VPS26B: variants seen among roughly 807,000 people sequenced by gnomAD.
VPS26B encodes vacuolar protein sorting-associated protein 26B.
A neutral mutation model predicts 33.3 loss-of-function variants in VPS26B; 10 were observed. The observed-to-expected ratio is 0.30, with a 90% CI of 0.19 to 0.51. The LOEUF is 0.51. Ranked by LOEUF, VPS26B falls within the 20% of genes least tolerant of loss-of-function variation. The pLI, the probability that VPS26B is intolerant of heterozygous loss-of-function variation, is 0.98. For missense variants in VPS26B, 317 were observed against 452.7 expected (o/e 0.70, Z 2.72); for synonymous variants, 190 against 176.9 (o/e 1.07, Z -0.59).
chr11:134,229,065 C>T (rs972485263), intron 1 of VPS26B, among the ~76,000 whole-genome samples: 2 of 152,086 alleles, frequency 1.3e-5, no homozygotes, highest in Non-Finnish European at 2.9e-5. Context: ...GGTCTCACTC[C>T]GTCACCCAGG....
At position 134,243,236 on chromosome 11, in the gene VPS26B, G is replaced by C. The variant is rs1216989772; in HGVS notation, c.663G>C (p.Val221=). ...AAACGACGGGTACAGGCCCCAACGTGTACCATGAGAATGACACGATAGCCA... is the reference window on the plus strand; with the variant it reads ...AAACGACGGGTACAGGCCCCAACGTCTACCATGAGAATGACACGATAGCCA... ...KRETTGTGPN[V]YHENDTIAKY... is the part of the protein sequence containing the mutation. Residue 221 remains valine, a synonymous_variant, in exon 4 of 6, where the codon GTG becomes GTC. Transcript: ENST00000281187. The C allele has an allele frequency of 1.4e-5, 22 of 1,614,070 alleles. No individual in the cohort carries two copies. The highest frequency in any genetic ancestry group is 1.7e-5 in the Non-Finnish European group (20 of 1,180,042).
chr11:134,240,774 CGTGT>C lies in VPS26B; in HGVS notation c.545+634_545+637del, dbSNP rs145007065. Among the ~76,000 whole-genome samples the C allele has an allele frequency of 2.4e-4, 33 of 138,010 alleles. No individual in the cohort carries two copies. In the South Asian group the frequency reaches 2.7e-3, roughly 11 times the overall value. 90.5% of individuals were successfully genotyped at this position (138,010 alleles called of 152,430 possible). A position where few individuals can be genotyped will look rare whatever the true frequency, so the allele number is the denominator to read the frequency against. On this transcript the variant is annotated intron_variant, in intron 3 of 5. Transcript: ENST00000281187. This position sits in a 1 kb window ranked among gnomAD's most constrained non-coding sequence, Gnocchi z 4.4. ...CCGCCACACCCAGCTAATTTGTGTCCGTGTGTGTGTGTGTGTGTCCGTGTGTGTG... is the reference window on the plus strand; with the variant it reads ...CCGCCACACCCAGCTAATTTGTGTCCGTGTGTGTGTGTGTCCGTGTGTGTG...
chr11:134,237,363 A>T lies in VPS26B; in HGVS notation c.380+2310A>T, dbSNP rs374549002. On this transcript the variant is annotated intron_variant, in intron 2 of 5. Transcript: ENST00000281187. The stretch of plus-strand genomic sequence containing the variant: ...GCAGAGATTACCAGTGAGTGCAGGC[A>T]TGCAGCCGTGGAGATGGAGACAGAG... Among the ~76,000 whole-genome samples the T allele has an allele frequency of 1.5e-4, 23 of 152,334 alleles. No homozygotes were observed. The East Asian group carries it at 3.3e-3, about 22-fold the overall frequency.
chr11:134,230,292 G>C (rs967999159), intron 1 of VPS26B, among the ~76,000 whole-genome samples: 1 of 152,248 alleles, frequency 6.6e-6, no homozygotes, highest in Non-Finnish European at 1.5e-5. Context: ...AATATTTGTT[G>C]AATGGATATA....
intron 1 of VPS26B, among the ~76,000 whole-genome samples, chr11:134,233,586 G>T (rs150867248): frequency 2.8e-4 from 42 of 152,338 alleles, no homozygotes; most frequent in African/African-American, 8.9e-4. Context: ...TTAGCTGGGC[G>T]TGGTGGCAGA....
intron 1 of VPS26B, among the ~76,000 whole-genome samples, chr11:134,232,227 G>A (rs1272366752): frequency 1.4e-5 from 1 of 71,336 alleles, no homozygotes; most frequent in Non-Finnish European, 4.1e-5. Context: ...TTGCTTCTTT[G>A]GGACGGAATA....
At chr11:134,225,391 C>T (rs369738921) in intron 1 of VPS26B, 46 bp downstream of exon 1, 29 of 1,596,896 alleles carry the variant, frequency 1.8e-5, no homozygotes, top group Non-Finnish European at 2.2e-5. Context: ...GACAGCCGGC[C>T]GGGGAGCAGG....
Position 134,245,235 on chromosome 11 carries a change from A to G in VPS26B, c.864+155A>G, listed in dbSNP as rs1242780381. On this transcript the variant is annotated intron_variant, in intron 5 of 5. Coordinates refer to ENST00000281187, the MANE Select transcript of VPS26B (RefSeq NM_052875.5). The surrounding 1 kb of genome is among the most constrained non-coding windows in gnomAD (Gnocchi z 4.7). ...AATGAGGATTCTCACCTGGCCTTAG[A>G]GTCTGCTTCCTCGGGCCTTCTCCTG... Among the ~76,000 whole-genome samples the G allele has an allele frequency of 6.6e-6, 1 of 152,180 alleles. No homozygotes were observed. The highest frequency in any genetic ancestry group is 2.4e-5 in the African/African-American group (1 of 41,432).
At chr11:134,228,685 T>C (rs1022310227) in intron 1 of VPS26B, among the ~76,000 whole-genome samples, 7 of 152,234 alleles carry the variant, frequency 4.6e-5, no homozygotes, top group African/African-American at 1.7e-4. Context: ...TCTTCCTGGT[T>C]CCCCGAAAGA....
At chr11:134,233,199 A>G (rs1242060147) in intron 1 of VPS26B, among the ~76,000 whole-genome samples, 5 of 152,216 alleles carry the variant, frequency 3.3e-5, no homozygotes, top group Non-Finnish European at 4.4e-5. Flanking sequence ...CTGTGAATTC[A>G]TACAGAAGTG....
In VPS26B at chr11:134,245,445, A is replaced by G; in HGVS notation, c.866A>G (p.Glu289Gly). ...ATTGCCCCCCTTTCAATTCTGCAGG[A>G]AGTGGTGTTGTGGCGGAAGGGTGAC... is the stretch of plus-strand genomic sequence containing the variant. ...EEERRYFKQQ[E>G]VVLWRKGDIV... The change falls in exon 6 of 6, where the codon GAA becomes GGA. Residue 289 changes from glutamate (E) to glycine (G), a missense_variant and splice_region_variant. By Grantham distance (98) the Glu-to-Gly change is moderately conservative (BLOSUM62 -2). Coordinates refer to ENST00000281187, the MANE Select transcript of VPS26B (RefSeq NM_052875.5). The surrounding 1 kb of genome is among the most constrained non-coding windows in gnomAD (Gnocchi z 4.7). 1 of 1,613,936 alleles carries G rather than the reference A, an allele frequency of 6.2e-7. No individual in the cohort carries two copies. Among genetic ancestry groups the G allele is most frequent in the Non-Finnish European group, 8.5e-7 (1 of 1,179,858 alleles).
At chr11:134,237,023 A>G (rs1219704376) in intron 2 of VPS26B, among the ~76,000 whole-genome samples, 1 of 152,266 alleles carries the variant, frequency 6.6e-6, no homozygotes, top group Non-Finnish European at 1.5e-5. Context: ...TGAAGACTTT[A>G]GGATTCATGT....
At chr11:134,230,170 C>CT (rs1163283140) in intron 1 of VPS26B, among the ~76,000 whole-genome samples, 1 of 152,156 alleles carries the variant, frequency 6.6e-6, no homozygotes, top group African/African-American at 2.4e-5. Flanking sequence ...AAGCTTGTGA[C>CT]TTTTTTAAAA....
intron 1 of VPS26B, among the ~76,000 whole-genome samples, chr11:134,230,337 T>C (rs1379639516): frequency 6.6e-6 from 1 of 152,224 alleles, no homozygotes; most frequent in African/African-American, 2.4e-5. Context: ...AAACTATTCT[T>C]TGTTGTTGTT....
intron 2 of VPS26B, 191 bp from the exon 3 acceptor site, chr11:134,239,800 A>ATTG (rs1938689345): frequency 3.1e-5 from 19 of 621,394 alleles, no homozygotes; most frequent in Non-Finnish European, 4.2e-5. Flanking sequence ...TGTGGTTGAA[A>ATTG]AGGTCTCTGT....
At chr11:134,232,210 C>T (rs61909698) in intron 1 of VPS26B, among the ~76,000 whole-genome samples, 2 of 35,232 alleles carry the variant, frequency 5.7e-5, no homozygotes, top group African/African-American at 8.6e-5. Flanking sequence ...TGAAAGATGA[C>T]GCGTGGTTGC....
intron 1 of VPS26B, among the ~76,000 whole-genome samples, chr11:134,227,253 G>T (rs189125071): frequency 6.6e-6 from 1 of 152,214 alleles, no homozygotes; most frequent in East Asian, 1.9e-4. Context: ...ATTATGCTAC[G>T]CATAGTAAAT....
chr11:134,236,405 C>T (rs1429061902), intron 2 of VPS26B: 1 of 152,010 alleles, frequency 6.6e-6, no homozygotes, highest in Non-Finnish European at 1.5e-5. Flanking sequence ...AGCAGTGCCT[C>T]AAAAAATTAA....
chr11:134,240,996 G>C lies in VPS26B; in HGVS notation c.545+841G>C, dbSNP rs1171456970. Among the ~76,000 whole-genome samples the C allele has an allele frequency of 6.6e-6, 1 of 152,118 alleles. No homozygotes were observed. The highest frequency in any genetic ancestry group is 2.4e-5 in the African/African-American group (1 of 41,420). On this transcript the variant is annotated intron_variant, in intron 3 of 5. Coordinates refer to ENST00000281187, the MANE Select transcript of VPS26B (RefSeq NM_052875.5). This position sits in a 1 kb window ranked among gnomAD's most constrained non-coding sequence, Gnocchi z 4.4. Reference sequence around the variant, plus strand: ...TGACTTTATTTTAACTGGCAAGTTGGGAAGATGTATATCTTTTAAACTGTG... The same window carrying C: ...TGACTTTATTTTAACTGGCAAGTTGCGAAGATGTATATCTTTTAAACTGTG...
Sources: gnomAD v4.1 joint callset for allele counts (sites outside exome capture counted in the v4.1 genomes callset) on GRCh38, gnomAD v4.1.1 for gene constraint, Gnocchi (gnomAD v3.1) non-coding constraint, MANE v1.5 for transcripts, NCBI Gene and HGNC (gene_info 2026-07-23, HGNC 2026-07-21) for gene names.